IGF1R: variants seen among roughly 807,000 people sequenced by gnomAD.
IGF1R encodes insulin like growth factor 1 receptor.
Under a neutral mutation model 144.6 loss-of-function variants are expected in IGF1R, and 44 were observed. The ratio of observed to expected loss-of-function variants is 0.30; its 90% CI spans 0.24 to 0.39. The LOEUF (loss-of-function observed/expected upper bound fraction) is 0.39. IGF1R is among the 10% of genes least tolerant of loss of function. The pLI is 1.00. For missense variants in IGF1R, 1,355 were observed against 1,833.7 expected, an observed-to-expected ratio of 0.74 and a Z score of 4.77; for synonymous variants, 795 against 722.8, an observed-to-expected ratio of 1.10 and a Z score of -1.60.
At chr15:98,696,403 A>G (rs1271975867) in intron 1 of IGF1R, among the ~76,000 whole-genome samples, 1 of 152,260 alleles carries the variant, frequency 6.6e-6, no homozygotes, top group African/African-American at 2.4e-5. Context: ...TTTGTAGGGT[A>G]AATTGAACAT....
At chr15:98,828,402 A>G (rs938105910) in intron 2 of IGF1R, among the ~76,000 whole-genome samples, 2 of 151,280 alleles carry the variant, frequency 1.3e-5, no homozygotes, top group Non-Finnish European at 2.9e-5. Flanking sequence ...CATCCATAGG[A>G]TGGTTGGCCA....
intron 1 of IGF1R, chr15:98,651,143 G>A: frequency 1.2e-6 from 1 of 818,158 alleles, no homozygotes; most frequent in Non-Finnish European, 1.5e-6. Flanking sequence ...AATCACGACT[G>A]AGCCTTCACG....
rs1047459567 is a variant in IGF1R at position 98,957,746 on chromosome 15, C to A, written c.*304C>A. 4 of 462,710 alleles carry A rather than the reference C, an allele frequency of 8.6e-6. No homozygotes were observed. Among genetic ancestry groups the A allele is most frequent in the Non-Finnish European group, 1.6e-5 (4 of 256,808 alleles). 28.7% of individuals were successfully genotyped at this position (462,710 alleles called of 1,614,324 possible). On this transcript the variant is annotated 3_prime_UTR_variant, in exon 21 of 21. Transcript: ENST00000650285. ...TTGAGAACCAGTCTCCTCACTCTGT[C>A]CCTGTCCTTCCCTGTTCTCCCTTTC...
intron 2 of IGF1R, among the ~76,000 whole-genome samples, chr15:98,865,791 C>T (rs1055133740): frequency 3.3e-5 from 5 of 152,184 alleles, no homozygotes; most frequent in African/African-American, 1.2e-4. Flanking sequence ...GTGGAGGGCT[C>T]AGGATTCCCG....
intron 5 of IGF1R, among the ~76,000 whole-genome samples, chr15:98,906,370 T>C (rs553586019): frequency 6.6e-4 from 100 of 152,368 alleles, no homozygotes; most frequent in Non-Finnish European, 1.2e-3. Flanking sequence ...AAGGAGATTT[T>C]GTCCTGTAAC....
chr15:98,891,762 C>A lies in IGF1R; in HGVS notation c.953+125C>A. On this transcript the variant is annotated intron_variant, in intron 3 of 20. Coordinates refer to ENST00000650285, the MANE Select transcript of IGF1R (RefSeq NM_000875.5). The surrounding 1 kb of genome is among the most constrained non-coding windows in gnomAD (Gnocchi z 4.7). ...CCTCAGGAAGTTCACTGAGGTGGGT[C>A]ATTTTGAGAGGGCTGGCTTACCTTA... The A allele has an allele frequency of 2.2e-6, 2 of 893,162 alleles. No individual in the cohort carries two copies. The highest frequency in any genetic ancestry group is 3.5e-6 in the Non-Finnish European group (2 of 570,642). 55.3% of individuals were successfully genotyped at this position (893,162 alleles called of 1,614,324 possible).
intron 2 of IGF1R, among the ~76,000 whole-genome samples, chr15:98,759,770 A>C (rs1438119762): frequency 6.6e-6 from 1 of 152,258 alleles, no homozygotes; most frequent in Non-Finnish European, 1.5e-5. Context: ...TATGTGTATC[A>C]GGACTGAAAG....
chr15:98,689,404 A>G (rs986434549), intron 1 of IGF1R, among the ~76,000 whole-genome samples: 2 of 148,960 alleles, frequency 1.3e-5, no homozygotes, highest in Admixed American at 6.8e-5. Flanking sequence ...ACACTTGGCT[A>G]ATTTTTATAT....
At chr15:98,870,397 G>A (rs2012721994) in intron 2 of IGF1R, among the ~76,000 whole-genome samples, 1 of 152,208 alleles carries the variant, frequency 6.6e-6, no homozygotes, top group African/African-American at 2.4e-5. Context: ...CTCAGAGAGG[G>A]CGGTCAGGAG....
At chr15:98,808,586 A>G (rs1461745873) in intron 2 of IGF1R, among the ~76,000 whole-genome samples, 2 of 152,146 alleles carry the variant, frequency 1.3e-5, no homozygotes, top group African/African-American at 2.4e-5. Context: ...ATAGTGATGA[A>G]TATGACAAGG....
intron 2 of IGF1R, among the ~76,000 whole-genome samples, chr15:98,851,954 G>A (rs1049573998): frequency 2.6e-5 from 4 of 152,338 alleles, no homozygotes. Context: ...CCTTAATGGC[G>A]TATTGTGTGA....
chr15:98,765,308 C>CTTTTT lies in IGF1R; in HGVS notation c.640+57225_640+57229dup, dbSNP rs139280569. On this transcript the variant is annotated intron_variant, in intron 2 of 20. Transcript: ENST00000650285. The stretch of plus-strand genomic sequence containing the variant: ...TCTCACCCAATGATCATGCCAACAC[C>CTTTTT]TTTTTTTTTTTTTTTTTTTTTTTTT... Among the ~76,000 whole-genome samples, 54 of 61,822 alleles carry CTTTTT rather than the reference C, an allele frequency of 8.7e-4. 5 individuals are homozygous for CTTTTT. Among genetic ancestry groups the CTTTTT allele is most frequent in the African/African-American group, 2.2e-3 (33 of 15,022 alleles). 40.6% of individuals were successfully genotyped at this position (61,822 alleles called of 152,430 possible).
At chr15:98,721,781 C>G (rs950164509) in intron 2 of IGF1R, among the ~76,000 whole-genome samples, 4 of 152,128 alleles carry the variant, frequency 2.6e-5, no homozygotes, top group Non-Finnish European at 5.9e-5. Context: ...AATAAACAAA[C>G]TAAATAACAG....
At chr15:98,795,870 C>T (rs117886744) in intron 2 of IGF1R, among the ~76,000 whole-genome samples, 285 of 152,362 alleles carry the variant, frequency 1.9e-3, no homozygotes, top group Non-Finnish European at 3.4e-3. Flanking sequence ...CCTGTGCCTT[C>T]TTACCAAGTA....
At chr15:98,724,402 C>T (rs570598343) in intron 2 of IGF1R, among the ~76,000 whole-genome samples, 2 of 152,278 alleles carry the variant, frequency 1.3e-5, no homozygotes, top group African/African-American at 4.8e-5. Context: ...CTGGCACAGA[C>T]ATTTATGAAG....
intron 2 of IGF1R, among the ~76,000 whole-genome samples, chr15:98,788,478 A>G (rs889482678): frequency 1.8e-4 from 27 of 152,254 alleles, no homozygotes; most frequent in Admixed American, 3.3e-4. Context: ...CCCAAGGTGC[A>G]GCAACAATTA....
intron 2 of IGF1R, among the ~76,000 whole-genome samples, chr15:98,802,414 G>A (rs141216835): frequency 6.6e-6 from 1 of 152,170 alleles, no homozygotes; most frequent in Admixed American, 6.5e-5. Flanking sequence ...TTCTGAAGGT[G>A]CTAGCCCTAG....
intron 5 of IGF1R, among the ~76,000 whole-genome samples, chr15:98,901,403 T>G (rs1024220916): frequency 2.6e-5 from 4 of 152,198 alleles, no homozygotes; most frequent in African/African-American, 9.7e-5. Context: ...TGGGAAGTTT[T>G]CTCTCACCCT....
intron 2 of IGF1R, among the ~76,000 whole-genome samples, chr15:98,758,933 G>C (rs1303891267): frequency 6.6e-6 from 1 of 152,200 alleles, no homozygotes; most frequent in South Asian, 2.1e-4. Flanking sequence ...GTCTGCATTT[G>C]GAAACAGTTC....
Sources: allele counts gnomAD v4.1 joint callset (sites outside exome capture counted in the v4.1 genomes callset), GRCh38; gene constraint gnomAD v4.1.1; non-coding constraint Gnocchi (gnomAD v3.1); transcripts MANE v1.5; gene names NCBI Gene and HGNC (gene_info 2026-07-23, HGNC 2026-07-21).